The following DENND1B variants were observed in gnomAD, a reference collection of about 807,000 sequenced individuals.
DENND1B encodes the protein DENN domain containing 1B.
Under a neutral mutation model 90.1 loss-of-function variants are expected in DENND1B, and 59 were observed. The observed-to-expected ratio is 0.65, with a 90% CI of 0.53 to 0.81. DENND1B has a LOEUF of 0.81. Ranked by LOEUF, DENND1B falls within the 40% of genes least tolerant of loss-of-function variation. DENND1B has a pLI of 0.00. For synonymous variants in DENND1B, 337 were observed against 324.6 expected, an observed-to-expected ratio of 1.04 and a Z score of -0.41; for missense variants, 862 against 912.6, an observed-to-expected ratio of 0.94 and a Z score of 0.71.
chr1:197,685,040 C>A (rs1198945516), intron 3 of DENND1B, among the ~76,000 whole-genome samples: 1 of 152,124 alleles, frequency 6.6e-6, no homozygotes, highest in Non-Finnish European at 1.5e-5. Flanking sequence ...ATCGCTTGAA[C>A]CCAGGGGGCA....
At chr1:197,684,435 T>C (rs956420681) in intron 3 of DENND1B, among the ~76,000 whole-genome samples, 8 of 152,196 alleles carry the variant, frequency 5.3e-5, no homozygotes, top group African/African-American at 1.4e-4. Context: ...AGCAGATGCC[T>C]AAATGTGATG....
chr1:197,638,062 G>A (rs1404832885), intron 10 of DENND1B, among the ~76,000 whole-genome samples: 3 of 152,180 alleles, frequency 2.0e-5, no homozygotes, highest in African/African-American at 7.2e-5. Context: ...GACTAAACCT[G>A]TAAAATCTAT....
chr1:197,670,960 AT>A (rs1258393897), intron 5 of DENND1B, among the ~76,000 whole-genome samples: 1 of 152,184 alleles, frequency 6.6e-6, no homozygotes, highest in East Asian at 1.9e-4. Context: ...CACATTCACG[AT>A]TCTATAACTT....
chr1:197,582,472 C>T (rs528698589), intron 15 of DENND1B, among the ~76,000 whole-genome samples: 3 of 152,078 alleles, frequency 2.0e-5, no homozygotes, highest in South Asian at 2.1e-4. Context: ...CATTGTCATG[C>T]GGAATAAGAA....
At chr1:197,566,119 A>G (rs1241367223) in intron 15 of DENND1B, among the ~76,000 whole-genome samples, 12 of 151,830 alleles carry the variant, frequency 7.9e-5, no homozygotes, top group Admixed American at 3.9e-4. Flanking sequence ...GTGTAAAAGT[A>G]TTCCTATTTC....
At chr1:197,549,586 GTTC>G (rs1435343781) in intron 16 of DENND1B, among the ~76,000 whole-genome samples, 1 of 152,008 alleles carries the variant, frequency 6.6e-6, no homozygotes, top group Non-Finnish European at 1.5e-5. Flanking sequence ...GAAAGAATAT[GTTC>G]TTAACTACTC....
intron 13 of DENND1B, chr1:197,606,789 G>A: frequency 3.9e-6 from 1 of 254,684 alleles, no homozygotes; most frequent in Non-Finnish European, 7.4e-6. Flanking sequence ...TAATGATTAA[G>A]ATGAGATGAA....
chr1:197,565,835 C>T (rs1452498685), intron 15 of DENND1B, among the ~76,000 whole-genome samples: 1 of 149,720 alleles, frequency 6.7e-6, no homozygotes, highest in Non-Finnish European at 1.5e-5. Flanking sequence ...TTTTTTATGG[C>T]TGCATAGTAT....
intron 18 of DENND1B, among the ~76,000 whole-genome samples, chr1:197,544,743 A>T (rs193171743): frequency 6.7e-5 from 10 of 149,838 alleles, no homozygotes; most frequent in Admixed American, 2.0e-4. Context: ...GAGGAGGAAG[A>T]GGAGGAGAAA....
At chr1:197,740,183 GA>G (rs1305096990) in intron 2 of DENND1B, among the ~76,000 whole-genome samples, 1 of 151,422 alleles carries the variant, frequency 6.6e-6, no homozygotes, top group African/African-American at 2.5e-5. Context: ...TACTTGTGCA[GA>G]TATCTTGGGA....
intron 15 of DENND1B, among the ~76,000 whole-genome samples, chr1:197,575,999 G>T (rs1180770074): frequency 6.6e-6 from 1 of 152,068 alleles, no homozygotes; most frequent in Non-Finnish European, 1.5e-5. Context: ...GTTAATGGGT[G>T]CAGCAAACCA....
intron 15 of DENND1B, among the ~76,000 whole-genome samples, chr1:197,575,156 T>C (rs910108943): frequency 5.3e-5 from 8 of 151,852 alleles, no homozygotes; most frequent in African/African-American, 1.9e-4. Context: ...ACAGGCAACC[T>C]ACAGAATGGG....
intron 2 of DENND1B, chr1:197,747,479 T>C: frequency 3.6e-6 from 1 of 275,978 alleles, no homozygotes; most frequent in South Asian, 6.6e-5. Context: ...AGCGGTCACC[T>C]GGCAGCCATC....
intron 17 of DENND1B, 65 bp from the exon 18 acceptor site, chr1:197,546,055 A>G: frequency 7.4e-7 from 1 of 1,355,418 alleles, no homozygotes; most frequent in Non-Finnish European, 1.0e-6. Flanking sequence ...AAAACAAAGT[A>G]TTACAGTAAG....
intron 6 of DENND1B, among the ~76,000 whole-genome samples, chr1:197,657,712 A>G (rs1352875414): frequency 6.6e-6 from 1 of 152,182 alleles, no homozygotes; most frequent in Non-Finnish European, 1.5e-5. Flanking sequence ...AAAAAATTAA[A>G]TGCAGAATTA....
intron 10 of DENND1B, 56 bp downstream of exon 10, chr1:197,642,655 G>T: frequency 1.6e-6 from 2 of 1,264,368 alleles, no homozygotes; most frequent in Non-Finnish European, 2.2e-6. Context: ...AAGGTTTTTA[G>T]GTCTTTTTGT....
chr1:197,670,443 CTGTGTGTGTGTGTGTG>C (rs60648023), intron 5 of DENND1B, among the ~76,000 whole-genome samples: 2 of 99,534 alleles, frequency 2.0e-5, no homozygotes, highest in Non-Finnish European at 3.9e-5. Flanking sequence ...GGGGGGAAGA[CTGTGTGTGTGTGTGTG>C]TGTGTGTGTG....
In DENND1B at chr1:197,510,341, T is replaced by C. The variant is rs1303373905; in HGVS notation, c.*119A>G. 13 of 1,124,108 alleles carry C rather than the reference T, an allele frequency of 1.2e-5. No individual in the cohort carries two copies. The highest frequency in any genetic ancestry group is 1.6e-5 in the Non-Finnish European group (13 of 816,732). 69.6% of individuals were successfully genotyped at this position (1,124,108 alleles called of 1,614,324 possible). On this transcript the variant is annotated 3_prime_UTR_variant, in exon 23 of 23. Coordinates refer to ENST00000620048, the MANE Select transcript of DENND1B (RefSeq NM_001195215.2). The stretch of plus-strand genomic sequence containing the variant: ...CCTCGAAATGAACAAGTGAGAAAAA[T>C]GTTGCAAATGCAAAAAAAAATTTAA...
chr1:197,665,737 A>G (rs1034235279), intron 5 of DENND1B, among the ~76,000 whole-genome samples: 1 of 152,162 alleles, frequency 6.6e-6, no homozygotes, highest in African/African-American at 2.4e-5. Flanking sequence ...AGAGACATTC[A>G]TAAATATTTT....
Sources: allele counts gnomAD v4.1 joint callset (sites outside exome capture counted in the v4.1 genomes callset), GRCh38; gene constraint gnomAD v4.1.1; transcripts MANE v1.5; gene names NCBI Gene and HGNC (gene_info 2026-07-23, HGNC 2026-07-21).